The following EXOC6 variants were observed in gnomAD, a reference collection of about 807,000 sequenced individuals.
The protein encoded by EXOC6 is SEC15-like 1.
A neutral mutation model predicts 112.5 loss-of-function variants in EXOC6; 60 were observed. That is an observed-to-expected ratio of 0.53 (90% CI 0.43 to 0.66). EXOC6 has a LOEUF of 0.66. Among genes scored for constraint, EXOC6 ranks in the 30% least tolerant of loss-of-function variants. The pLI is 0.00. For missense variants in EXOC6, 855 were observed against 957.1 expected (o/e 0.89, Z 1.41); for synonymous variants, 295 against 308.0 (o/e 0.96, Z 0.44).
intron 20 of EXOC6, among the ~76,000 whole-genome samples, chr10:93,037,957 G>A (rs1382444986): frequency 6.7e-6 from 1 of 148,592 alleles, no homozygotes; most frequent in African/African-American, 2.5e-5. Context: ...GGAGAATGGC[G>A]TGAACCCGGG....
At chr10:92,859,564 G>A (rs1205411053) in intron 1 of EXOC6, among the ~76,000 whole-genome samples, 1 of 152,182 alleles carries the variant, frequency 6.6e-6, no homozygotes, top group Non-Finnish European at 1.5e-5. Flanking sequence ...TTATATGCAA[G>A]TGATTTATTG....
At chr10:92,978,848 A>G (rs1842727485) in intron 18 of EXOC6, among the ~76,000 whole-genome samples, 1 of 152,182 alleles carries the variant, frequency 6.6e-6, no homozygotes, top group Non-Finnish European at 1.5e-5. Context: ...AGAACAAGCC[A>G]TCCTACTTAC....
intron 19 of EXOC6, among the ~76,000 whole-genome samples, chr10:93,006,843 C>T (rs1458771158): frequency 1.3e-5 from 2 of 152,154 alleles, no homozygotes; most frequent in Non-Finnish European, 2.9e-5. Context: ...TATTTAGTTA[C>T]AGAATTATTC....
intron 20 of EXOC6, among the ~76,000 whole-genome samples, chr10:93,014,552 A>G (rs1337693242): frequency 6.6e-6 from 1 of 152,206 alleles, no homozygotes; most frequent in Non-Finnish European, 1.5e-5. Context: ...TGCTATAATG[A>G]CACTTGATGT....
At chr10:93,045,360 A>G (rs1043977051) in intron 20 of EXOC6, among the ~76,000 whole-genome samples, 1 of 152,236 alleles carries the variant, frequency 6.6e-6, no homozygotes, top group African/African-American at 2.4e-5. Context: ...ATTTTAAGTC[A>G]TAACCATTGA....
At chr10:93,038,883 G>A (rs768069612) in intron 20 of EXOC6, among the ~76,000 whole-genome samples, 8 of 152,094 alleles carry the variant, frequency 5.3e-5, no homozygotes, top group Non-Finnish European at 1.0e-4. Context: ...TACACACTCC[G>A]CACTTTAGGA....
chr10:92,845,061 T>G (rs1468581230), upstream of EXOC6, among the ~76,000 whole-genome samples: 1 of 152,230 alleles, frequency 6.6e-6, no homozygotes, highest in Admixed American at 6.5e-5. Flanking sequence ...CAATTACTTT[T>G]ATACTGGACA....
At chr10:92,828,426 C>G (rs954858286) in intron 1 of EXOC6, among the ~76,000 whole-genome samples, 6 of 152,156 alleles carry the variant, frequency 3.9e-5, no homozygotes, top group Non-Finnish European at 5.9e-5. Context: ...CTCGGCCTCC[C>G]GGGCTCAAGT....
At chr10:92,991,798 C>CA (rs1188527566) in intron 18 of EXOC6, among the ~76,000 whole-genome samples, 2 of 152,008 alleles carry the variant, frequency 1.3e-5, no homozygotes, top group African/African-American at 4.8e-5. Flanking sequence ...GTTACTGTCT[C>CA]ATACCCTTAT....
intron 9 of EXOC6, among the ~76,000 whole-genome samples, chr10:92,931,212 A>G (rs1274854980): frequency 6.6e-6 from 1 of 151,834 alleles, no homozygotes; most frequent in Non-Finnish European, 1.5e-5. Context: ...GGCTTTATCC[A>G]GAATATGTAA....
intron 12 of EXOC6, among the ~76,000 whole-genome samples, chr10:92,938,329 C>T (rs1373073511): frequency 6.6e-6 from 1 of 152,042 alleles, no homozygotes; most frequent in East Asian, 1.9e-4. Context: ...ACAGTATTTT[C>T]ATTTCACTCA....
intron 1 of EXOC6, among the ~76,000 whole-genome samples, chr10:92,886,160 C>T (rs1849204066): frequency 6.6e-6 from 1 of 152,178 alleles, no homozygotes; most frequent in Admixed American, 6.5e-5. Context: ...TATAAACCAA[C>T]TAGGCTCAAA....
chr10:92,899,729 G>A, intron 5 of EXOC6, 85 bp downstream of exon 5: 3 of 1,020,748 alleles, frequency 2.9e-6, no homozygotes, highest in Non-Finnish European at 4.5e-6. Flanking sequence ...AAATCATAGT[G>A]AATCATGAGT....
intron 5 of EXOC6, among the ~76,000 whole-genome samples, chr10:92,902,137 C>A (rs147890115): frequency 2.1e-4 from 32 of 152,252 alleles, no homozygotes; most frequent in African/African-American, 7.5e-4. Context: ...TACCTTTTCT[C>A]TCTTTTAGAA....
At chr10:92,874,007 T>C (rs973733) in intron 1 of EXOC6, among the ~76,000 whole-genome samples, 116,456 of 151,018 alleles carry the variant, frequency 0.77, 45,798 homozygotes, top group East Asian at 1. Context: ...GAGCTGGGAT[T>C]GCACCATTGC....
intron 1 of EXOC6, among the ~76,000 whole-genome samples, chr10:92,837,648 A>G (rs1356177736): frequency 6.6e-6 from 1 of 152,196 alleles, no homozygotes; most frequent in East Asian, 1.9e-4. Context: ...GAGTGACAAG[A>G]GTAAGACCCT....
intron 8 of EXOC6, 94 bp downstream of exon 8, chr10:92,920,144 A>C: frequency 1.4e-6 from 1 of 690,024 alleles, no homozygotes; most frequent in South Asian, 2.5e-5. Flanking sequence ...TATGCTGTAA[A>C]TCTTCACATA....
rs564702640 is a variant in EXOC6 at position 93,042,975 on chromosome 10, C to T, written c.2170-13949C>T. Among the ~76,000 whole-genome samples, 3 of 151,490 alleles carry T rather than the reference C, an allele frequency of 2.0e-5. No homozygotes were observed. The East Asian group carries it at 5.8e-4, about 29-fold the overall frequency. On this transcript the variant is annotated intron_variant, in intron 20 of 21. Coordinates refer to ENST00000260762, the MANE Select transcript of EXOC6 (RefSeq NM_019053.6). ...TTATTATTATTTTTTGAGATGGAGT[C>T]GCCCAGGCTGGAGTGCAGTGGCGCA...
chr10:92,852,007 T>C (rs997059315), intron 1 of EXOC6, among the ~76,000 whole-genome samples: 1 of 152,122 alleles, frequency 6.6e-6, no homozygotes, highest in African/African-American at 2.4e-5. Flanking sequence ...TCGTTAAGGC[T>C]GTAGAGAGCT....
Sources: allele counts gnomAD v4.1 joint callset (sites outside exome capture counted in the v4.1 genomes callset), GRCh38; gene constraint gnomAD v4.1.1; transcripts MANE v1.5; gene names NCBI Gene and HGNC (gene_info 2026-07-23, HGNC 2026-07-21).